Variants in ACSM1 observed in about 807,000 individuals in gnomAD.
ACSM1 encodes the protein acyl-coenzyme A synthetase ACSM1, mitochondrial.
In ACSM1, 79 loss-of-function variants were observed where a neutral mutation model predicts 75.8. The observed-to-expected ratio is 1.04, with a 90% CI of 0.87 to 1.26. The LOEUF is 1.26. ACSM1 is among the 50% of genes most tolerant of loss of function. ACSM1 has a pLI of 0.00. For synonymous variants in ACSM1, 279 were observed against 265.8 expected (o/e 1.05, Z -0.48); for missense variants, 676 against 720.1 (o/e 0.94, Z 0.70).
intron 4 of ACSM1, among the ~76,000 whole-genome samples, chr16:20,677,506 C>T (rs2020360624): frequency 6.6e-6 from 1 of 152,210 alleles, no homozygotes; most frequent in Admixed American, 6.5e-5. Flanking sequence ...CTAAACCCGG[C>T]TACCTTGCTC....
chr16:20,683,715 CTCTTTCTTTCTT>C (rs55684501), intron 3 of ACSM1, among the ~76,000 whole-genome samples: 1 of 136,384 alleles, frequency 7.3e-6, no homozygotes, highest in South Asian at 2.4e-4. Flanking sequence ...CTCTCTCTCT[CTCTTTCTTTCTT>C]TCTTTCTTTC....
intron 8 of ACSM1, among the ~76,000 whole-genome samples, chr16:20,637,703 T>C (rs557446994): frequency 3.3e-5 from 5 of 152,286 alleles, no homozygotes; most frequent in Admixed American, 2.6e-4. Flanking sequence ...CAGAATCCAA[T>C]GGGGAAACAA....
chr16:20,637,260 G>A (rs1673062), intron 9 of ACSM1, 111 bp downstream of exon 9: 27 of 521,980 alleles, frequency 5.2e-5, no homozygotes, highest in South Asian at 4.0e-4. Flanking sequence ...GAGAAGAGAG[G>A]AGGAAGGATG....
chr16:20,636,095 A>C (rs2017689979), intron 10 of ACSM1, among the ~76,000 whole-genome samples: 1 of 152,168 alleles, frequency 6.6e-6, no homozygotes, highest in Non-Finnish European at 1.5e-5. Flanking sequence ...GCCGCCAATG[A>C]AAGTGTCTTT....
chr16:20,632,171 T>C (rs538530343), intron 10 of ACSM1, among the ~76,000 whole-genome samples: 76 of 152,204 alleles, frequency 5.0e-4, no homozygotes, highest in Middle Eastern at 6.8e-3. Context: ...CCTTACACTT[T>C]AGGGAACCAG....
At chr16:20,642,257 G>T (rs2018105993) in intron 7 of ACSM1, among the ~76,000 whole-genome samples, 1 of 152,132 alleles carries the variant, frequency 6.6e-6, no homozygotes, top group African/African-American at 2.4e-5. Flanking sequence ...ACTAACCTCA[G>T]ATTTTGAATG....
intron 7 of ACSM1, among the ~76,000 whole-genome samples, chr16:20,642,098 G>T (rs1277842146): frequency 6.6e-6 from 1 of 152,174 alleles, no homozygotes; most frequent in East Asian, 1.9e-4. Context: ...GAGAGAAATT[G>T]ACAGAGATTT....
At chr16:20,663,386 G>A (rs1345671465) in intron 6 of ACSM1, among the ~76,000 whole-genome samples, 1 of 152,104 alleles carries the variant, frequency 6.6e-6, no homozygotes, top group Non-Finnish European at 1.5e-5. Context: ...AATAAATAGT[G>A]TGGGCTCCCA....
In ACSM1 at chr16:20,673,988, G is replaced by A. The variant is rs567823884; in HGVS notation, c.612-2317C>T. The A allele has an allele frequency of 1.9e-5, 7 of 372,280 alleles. No homozygotes were observed. The East Asian group carries it at 5.6e-4, about 30-fold the overall frequency. The allele number at this position is 372,280 out of a possible 1,614,324, so 23.1% of individuals were successfully genotyped here. On this transcript the variant is annotated intron_variant, in intron 4 of 13. Coordinates refer to ENST00000520010, the MANE Select transcript of ACSM1 (RefSeq NM_001318890.3). ...CAAGAGAGGGCAAGGAACTAGGTCA[G>A]GGTCACATAGCAAAACAGTGACATA...
Position 20,624,701 on chromosome 16 carries a change from C to CT in ACSM1, c.1528-487dup, listed in dbSNP as rs922582920. On this transcript the variant is annotated intron_variant, in intron 12 of 13. Coordinates refer to ENST00000520010, the MANE Select transcript of ACSM1 (RefSeq NM_001318890.3). The stretch of plus-strand genomic sequence containing the variant: ...ACATATAGAAGGTGATTAATAAAGA[C>CT]TTTTTTTTTTCAGATGGAGTTTCAT... Among the ~76,000 whole-genome samples, 30 of 149,784 alleles carry CT rather than the reference C, an allele frequency of 2.0e-4. 2 individuals are homozygous for CT. The highest frequency in any genetic ancestry group is 1.4e-3 in the Admixed American group (21 of 14,998).
intron 2 of ACSM1, among the ~76,000 whole-genome samples, chr16:20,690,029 G>C (rs2152334031): frequency 6.6e-6 from 1 of 152,276 alleles, no homozygotes. Flanking sequence ...TGATTGCCAA[G>C]GCACATAACA....
Position 20,623,245 on chromosome 16 carries a change from C to T in ACSM1, c.*241G>A, listed in dbSNP as rs2016719134. 2.1e-6 allele frequency: 1 copy of T among 470,974 alleles called. No homozygotes were observed. The highest frequency in any genetic ancestry group is 3.9e-6 in the Non-Finnish European group (1 of 258,138). 29.2% of individuals were successfully genotyped at this position (470,974 alleles called of 1,614,324 possible). The stretch of plus-strand genomic sequence containing the variant: ...GCTCAACACAGGGTATTGTTGATAT[C>T]AGTATTTTATTACTTGCGTTATGAG... On this transcript the variant is annotated 3_prime_UTR_variant, in exon 14 of 14. Coordinates refer to ENST00000520010, the MANE Select transcript of ACSM1 (RefSeq NM_001318890.3).
chr16:20,679,430 AGAGG>A (rs1237445647), intron 4 of ACSM1: 3 of 152,260 alleles, frequency 2.0e-5, no homozygotes, highest in Non-Finnish European at 2.9e-5. Context: ...GCCGAAGCTA[AGAGG>A]ACCATCTCTA....
chr16:20,669,753 T>C (rs912741443), intron 6 of ACSM1, 74 bp downstream of exon 6: 20 of 1,487,096 alleles, frequency 1.3e-5, no homozygotes, highest in African/African-American at 2.8e-5. Flanking sequence ...TAATAAAATA[T>C]TTTTTTAGCA....
chr16:20,653,214 T>TA (rs200805328), intron 7 of ACSM1, among the ~76,000 whole-genome samples: 2,391 of 152,326 alleles, frequency 0.016, 32 homozygotes, highest in Middle Eastern at 0.041. Context: ...CCCCTCATGT[T>TA]AAAAACTCTC....
At chr16:20,646,257 A>C (rs1417022923) in intron 7 of ACSM1, among the ~76,000 whole-genome samples, 1 of 152,234 alleles carries the variant, frequency 6.6e-6, no homozygotes, top group Non-Finnish European at 1.5e-5. Flanking sequence ...CACTTTTAAA[A>C]AGATTGTCTG....
chr16:20,642,049 T>C (rs2018092865), intron 7 of ACSM1, among the ~76,000 whole-genome samples: 1 of 152,214 alleles, frequency 6.6e-6, no homozygotes. Flanking sequence ...CTTTTGCCCA[T>C]GGTTTCTGGA....
At chr16:20,631,600 G>T (rs1465293366) in intron 10 of ACSM1, among the ~76,000 whole-genome samples, 1 of 152,196 alleles carries the variant, frequency 6.6e-6, no homozygotes, top group East Asian at 1.9e-4. Context: ...CAATTGCAAA[G>T]ATATGGAACC....
intron 13 of ACSM1, 112 bp from the exon 14 acceptor site, chr16:20,623,684 A>T (rs2016744967): frequency 2.7e-6 from 3 of 1,096,938 alleles, no homozygotes; most frequent in Non-Finnish European, 4.0e-6. Context: ...CTGACACCAT[A>T]TGGTGGCCTT....
Sources: gnomAD v4.1 joint callset for allele counts (sites outside exome capture counted in the v4.1 genomes callset) on GRCh38, gnomAD v4.1.1 for gene constraint, MANE v1.5 for transcripts, NCBI Gene and HGNC (gene_info 2026-07-23, HGNC 2026-07-21) for gene names.